Variants in RXRA observed in about 807,000 individuals in gnomAD.
RXRA encodes the protein retinoid X receptor alpha, also known as retinoic acid receptor RXR-alpha.
A neutral mutation model predicts 44.5 loss-of-function variants in RXRA; 5 were observed. The observed-to-expected ratio is 0.11, with a 90% CI of 0.06 to 0.24. RXRA has a LOEUF of 0.24. Among genes scored for constraint, RXRA ranks in the 10% least tolerant of loss-of-function variants. The pLI, the probability that RXRA is intolerant of heterozygous loss-of-function variation, is 1.00. For missense variants in RXRA, 412 were observed against 646.5 expected (o/e 0.64, Z 3.93); for synonymous variants, 291 against 271.4 (o/e 1.07, Z -0.71).
intron 6 of RXRA, chr9:134,425,273 A>AC: frequency 1.0e-6 from 1 of 985,224 alleles, no homozygotes; most frequent in African/African-American, 1.7e-5. Context: ...CTGCTGCCCT[A>AC]CCCGTCCAGG....
chr9:134,380,889 T>C (rs780770311), intron 1 of RXRA, among the ~76,000 whole-genome samples: 8 of 148,626 alleles, frequency 5.4e-5, no homozygotes, highest in Non-Finnish European at 1.5e-5. Context: ...GATCCCCCCC[T>C]GTCAATCTGC....
intron 1 of RXRA, among the ~76,000 whole-genome samples, chr9:134,393,182 G>A (rs1334437591): frequency 6.6e-6 from 1 of 152,176 alleles, no homozygotes; most frequent in African/African-American, 2.4e-5. Flanking sequence ...TCTGCCGTCA[G>A]CCTAAAGCCA....
chr9:134,364,947 G>A (rs952679923), intron 1 of RXRA, among the ~76,000 whole-genome samples: 10 of 152,346 alleles, frequency 6.6e-5, no homozygotes, highest in Admixed American at 3.3e-4. Flanking sequence ...GAGGCCTCAT[G>A]TGGGTCCCTC....
chr9:134,334,892 G>A (rs987060034), intron 1 of RXRA, among the ~76,000 whole-genome samples: 1 of 152,208 alleles, frequency 6.6e-6, no homozygotes, highest in Non-Finnish European at 1.5e-5. Context: ...ATGTGGACTG[G>A]GCATGTTGTG....
At chr9:134,394,099 ATGGTGACGGTGGTGG>A in intron 1 of RXRA, among the ~76,000 whole-genome samples, 2 of 3,304 alleles carry the variant, frequency 6.1e-4, no homozygotes, top group Non-Finnish European at 1.7e-3. Flanking sequence ...GCTGGTAGTG[ATGGTGACGGTGGTGG>A]TGGTGGTGAT....
intron 7 of RXRA, among the ~76,000 whole-genome samples, chr9:134,430,152 C>T (rs1190907509): frequency 6.6e-6 from 1 of 152,230 alleles, no homozygotes; most frequent in Non-Finnish European, 1.5e-5. Flanking sequence ...TCCCAAAGTG[C>T]TGGGATTACA....
intron 4 of RXRA, among the ~76,000 whole-genome samples, chr9:134,416,260 G>A (rs1268381241): frequency 6.6e-6 from 1 of 152,212 alleles, no homozygotes; most frequent in East Asian, 1.9e-4. Flanking sequence ...GTAAGCTGGG[G>A]GCGGGAGGAG....
intron 1 of RXRA, chr9:134,379,377 G>A (rs1186414388): frequency 1.0e-6 from 1 of 987,434 alleles, no homozygotes; most frequent in African/African-American, 1.7e-5. Flanking sequence ...TGGCTGTCCT[G>A]TGGTGAGCTG....
chr9:134,327,191 C>T (rs1834929566), intron 1 of RXRA, among the ~76,000 whole-genome samples: 1 of 152,098 alleles, frequency 6.6e-6, no homozygotes, highest in Non-Finnish European at 1.5e-5. Context: ...CAGCCCACGC[C>T]CGGGTGGGCA....
Position 134,408,261 on chromosome 9 carries a change from C to T in RXRA, c.392C>T (p.Thr131Ile), listed in dbSNP as rs777299825. The T allele has an allele frequency of 6.2e-7, 1 of 1,612,164 alleles. No homozygotes were observed. The highest frequency in any genetic ancestry group is 8.5e-7 in the Non-Finnish European group (1 of 1,179,496). Residue 131 changes from threonine (T) to isoleucine (I), a missense_variant, in exon 3 of 10, where the codon ACC (threonine) becomes ATC (isoleucine). By Grantham distance (89) the Thr-to-Ile change is moderately conservative. Coordinates refer to ENST00000481739, the MANE Select transcript of RXRA (RefSeq NM_002957.6). ...AHPSGNMASF[T>I]KHICAICGDR... ...CCCTCAGGAAACATGGCTTCCTTCA[C>T]CAAGCACATCTGCGCCATCTGCGGG... is the stretch of plus-strand genomic sequence containing the variant.
chr9:134,424,110 C>T (rs529756199), intron 6 of RXRA: 2 of 980,822 alleles, frequency 2.0e-6, no homozygotes, highest in East Asian at 1.1e-4. Context: ...GTGCTGAGGG[C>T]CTGCGTGGGG....
intron 9 of RXRA, 124 bp from the exon 10 acceptor site, chr9:134,436,343 G>A: frequency 1.0e-6 from 1 of 960,574 alleles, no homozygotes; most frequent in East Asian, 2.4e-5. Flanking sequence ...CAGATTCAGG[G>A]CTACAGACCA....
chr9:134,364,699 C>A (rs965087764), intron 1 of RXRA, among the ~76,000 whole-genome samples: 10 of 152,224 alleles, frequency 6.6e-5, no homozygotes, highest in African/African-American at 2.4e-4. Flanking sequence ...CTAAGCTGGG[C>A]TCTTCCGGGC....
chr9:134,353,970 A>G (rs1211253863), intron 1 of RXRA, among the ~76,000 whole-genome samples: 2 of 152,162 alleles, frequency 1.3e-5, no homozygotes, highest in Non-Finnish European at 2.9e-5. Context: ...GGTGCCTGGT[A>G]GCTGTTCACT....
At chr9:134,380,038 C>T in intron 1 of RXRA, 4 of 985,394 alleles carry the variant, frequency 4.1e-6, no homozygotes, top group Non-Finnish European at 4.8e-6. Flanking sequence ...TTCTGTGCCC[C>T]CTGCCTGAGC....
chr9:134,385,512 C>T (rs1476435543), intron 1 of RXRA, among the ~76,000 whole-genome samples: 2 of 152,216 alleles, frequency 1.3e-5, no homozygotes, highest in African/African-American at 2.4e-5. Flanking sequence ...CGGGCCTCTG[C>T]GTCCCCCACG....
intron 1 of RXRA, among the ~76,000 whole-genome samples, chr9:134,384,602 C>T (rs568812160): frequency 4.6e-5 from 7 of 152,142 alleles, no homozygotes; most frequent in Admixed American, 1.3e-4. Context: ...GGGTGAGCAG[C>T]GTGTGGACCC....
At chr9:134,409,158 G>A in intron 4 of RXRA, 39 bp downstream of exon 4, 2 of 1,503,212 alleles carry the variant, frequency 1.3e-6, no homozygotes, top group Non-Finnish European at 1.8e-6. Context: ...GGCAGGTGTT[G>A]GACAAACAGT....
At chr9:134,345,135 G>A (rs1315894576) in intron 1 of RXRA, among the ~76,000 whole-genome samples, 1 of 152,224 alleles carries the variant, frequency 6.6e-6, no homozygotes, top group Non-Finnish European at 1.5e-5. Flanking sequence ...TGGTCTGCTG[G>A]GACCACTGCC....
Sources: gnomAD v4.1 joint callset for allele counts (sites outside exome capture counted in the v4.1 genomes callset) on GRCh38, gnomAD v4.1.1 for gene constraint, MANE v1.5 for transcripts, NCBI Gene and HGNC (gene_info 2026-07-23, HGNC 2026-07-21) for gene names.